Variants in HDAC9 observed in about 807,000 individuals in gnomAD.
The protein encoded by HDAC9 is histone deacetylase 9.
In HDAC9, 41 loss-of-function variants were observed where a neutral mutation model predicts 139.4. The observed-to-expected ratio is 0.29, with a 90% CI of 0.23 to 0.38. The LOEUF (loss-of-function observed/expected upper bound fraction) is 0.38. Ranked by LOEUF, HDAC9 falls within the 10% of genes least tolerant of loss-of-function variation. HDAC9 has a pLI of 1.00. For synonymous variants in HDAC9, 517 were observed against 476.2 expected (o/e 1.09, Z -1.12); for missense variants, 1,147 against 1,297.0 (o/e 0.88, Z 1.78).
chr7:18,259,567 G>A (rs895874479), intron 2 of HDAC9, among the ~76,000 whole-genome samples: 2 of 151,968 alleles, frequency 1.3e-5, no homozygotes, highest in African/African-American at 4.8e-5. Context: ...ATCTCACCAT[G>A]TTACCCAGAC....
intron 12 of HDAC9, among the ~76,000 whole-genome samples, chr7:18,689,486 C>G (rs1294173823): frequency 6.6e-6 from 1 of 151,858 alleles, no homozygotes; most frequent in African/African-American, 2.4e-5. Context: ...ACCAAACAGT[C>G]CCTTTAGGAA....
chr7:18,709,056 A>G (rs142959776), intron 12 of HDAC9, among the ~76,000 whole-genome samples: 1 of 148,736 alleles, frequency 6.7e-6, no homozygotes, highest in African/African-American at 2.6e-5. Context: ...AGAAAAAAGA[A>G]CACTGGACTT....
At chr7:18,263,432 G>A (rs1423158927) in intron 2 of HDAC9, among the ~76,000 whole-genome samples, 1 of 152,100 alleles carries the variant, frequency 6.6e-6, no homozygotes, top group Non-Finnish European at 1.5e-5. Context: ...GTACTGAGGT[G>A]TAAAAGGAAC....
At chr7:18,987,973 T>C (rs1785514203) in intron 25 of HDAC9, among the ~76,000 whole-genome samples, 1 of 152,224 alleles carries the variant, frequency 6.6e-6, no homozygotes, top group African/African-American at 2.4e-5. Context: ...TCTTTATTAG[T>C]CTTGCTAGCG....
At chr7:18,279,215 CT>C (rs35557717) in intron 2 of HDAC9, among the ~76,000 whole-genome samples, 3,536 of 152,224 alleles carry the variant, frequency 0.023, 106 homozygotes, top group African/African-American at 0.068. Context: ...TGGCAGTGTG[CT>C]TTCCGACTTT....
chr7:18,893,033 G>A (rs1294311381), intron 22 of HDAC9, among the ~76,000 whole-genome samples: 68 of 66,874 alleles, frequency 1.0e-3, no homozygotes, highest in Admixed American at 3.3e-3. Flanking sequence ...GTAATAGGCC[G>A]AAAAAAAAAA....
intron 2 of HDAC9, among the ~76,000 whole-genome samples, chr7:18,197,468 G>A (rs1790807728): frequency 6.6e-6 from 1 of 152,198 alleles, no homozygotes; most frequent in African/African-American, 2.4e-5. Context: ...AGCAGCTGTA[G>A]TGAGGTAGGT....
chr7:18,436,025 C>A (rs914912428), intron 1 of HDAC9, among the ~76,000 whole-genome samples: 27 of 151,098 alleles, frequency 1.8e-4, no homozygotes, highest in Non-Finnish European at 1.5e-4. Flanking sequence ...ACTATGTTGC[C>A]CAGGCTGGTC....
intron 12 of HDAC9, chr7:18,667,466 AG>A: frequency 1.0e-6 from 1 of 984,522 alleles, no homozygotes; most frequent in Non-Finnish European, 1.2e-6. Flanking sequence ...CAATTAGAAA[AG>A]ATAGGTTTAA....
intron 22 of HDAC9, among the ~76,000 whole-genome samples, chr7:18,889,504 G>A (rs1010908492): frequency 2.6e-5 from 4 of 151,752 alleles, no homozygotes; most frequent in East Asian, 1.9e-4. Flanking sequence ...TCTTTTACTT[G>A]AAAAGTTTGC....
At chr7:18,738,108 CTT>C (rs1330333441) in intron 13 of HDAC9, among the ~76,000 whole-genome samples, 1 of 152,042 alleles carries the variant, frequency 6.6e-6, no homozygotes, top group Non-Finnish European at 1.5e-5. Flanking sequence ...TTTCCATTTG[CTT>C]GGTAGATCTT....
At chr7:18,689,704 T>TA (rs573191051) in intron 12 of HDAC9, among the ~76,000 whole-genome samples, 23 of 152,098 alleles carry the variant, frequency 1.5e-4, no homozygotes, top group African/African-American at 5.5e-4. Flanking sequence ...ATTTTGGGCT[T>TA]ACGGCCATTA....
intron 1 of HDAC9, among the ~76,000 whole-genome samples, chr7:18,448,305 G>C (rs1792484510): frequency 6.6e-6 from 1 of 152,156 alleles, no homozygotes; most frequent in African/African-American, 2.4e-5. Flanking sequence ...ATGTTGAAAG[G>C]AGAGCAACGT....
intron 1 of HDAC9, among the ~76,000 whole-genome samples, chr7:18,314,464 G>C: frequency 6.6e-6 from 1 of 152,206 alleles, no homozygotes. Flanking sequence ...TTTGATATGA[G>C]ATGCCTGGAA....
chr7:18,271,727 C>G (rs191936424), intron 2 of HDAC9, among the ~76,000 whole-genome samples: 2 of 152,308 alleles, frequency 1.3e-5, no homozygotes, highest in East Asian at 1.9e-4. Context: ...GCTCCTGACA[C>G]CCCATGCTTC....
chr7:18,547,477 T>C (rs1226215605), intron 2 of HDAC9, among the ~76,000 whole-genome samples: 3 of 152,214 alleles, frequency 2.0e-5, no homozygotes, highest in Non-Finnish European at 2.9e-5. Context: ...CCTTGTGATC[T>C]GCCCTCCTCG....
chr7:18,351,933 A>G (rs1782877624), intron 1 of HDAC9, among the ~76,000 whole-genome samples: 1 of 152,214 alleles, frequency 6.6e-6, no homozygotes. Context: ...AAGTGACAAT[A>G]TACAAGGTTA....
chr7:18,279,525 G>A (rs1320871318), intron 2 of HDAC9, among the ~76,000 whole-genome samples: 2 of 151,744 alleles, frequency 1.3e-5, no homozygotes, highest in Admixed American at 6.6e-5. Flanking sequence ...GTGCGCAGTG[G>A]CGTGATCTCA....
At chr7:18,202,545 G>A (rs927874315) in intron 2 of HDAC9, among the ~76,000 whole-genome samples, 11 of 152,104 alleles carry the variant, frequency 7.2e-5, no homozygotes, top group African/African-American at 2.7e-4. Flanking sequence ...CCTTTTAGTA[G>A]GTTGAGGGCC....
Sources: allele counts gnomAD v4.1 joint callset (sites outside exome capture counted in the v4.1 genomes callset), GRCh38; gene constraint gnomAD v4.1.1; transcripts MANE v1.5; gene names NCBI Gene and HGNC (gene_info 2026-07-23, HGNC 2026-07-21).